The following AFF1 variants were observed in gnomAD, a reference collection of about 807,000 sequenced individuals.
AFF1 encodes the protein ALF transcription elongation factor 1.
Under a neutral mutation model 121.7 loss-of-function variants are expected in AFF1, and 48 were observed. The ratio of observed to expected loss-of-function variants is 0.39; its 90% CI spans 0.31 to 0.50. AFF1 has a LOEUF of 0.50. Ranked by LOEUF, AFF1 falls within the 20% of genes least tolerant of loss-of-function variation. AFF1 has a pLI of 0.76. For missense variants in AFF1, 1,523 were observed against 1,511.7 expected (o/e 1.01, Z -0.12); for synonymous variants, 613 against 563.0 (o/e 1.09, Z -1.26).
chr4:87,135,307 T>G (rs1729207184), intron 20 of AFF1, among the ~76,000 whole-genome samples: 1 of 152,154 alleles, frequency 6.6e-6, no homozygotes, highest in South Asian at 2.1e-4. Context: ...TTTTTTTCAT[T>G]AATGCATCCT....
Position 87,126,193 on chromosome 4 carries a change from A to G in AFF1, c.2668A>G (p.Lys890Glu), listed in dbSNP as rs770218196. ...SSQKPAKPAL[K>E]RSRREADTCG... ...CCAGAAGCCAGCCAAGCCTGCACTT[A>G]AGAGGTCAAGGCGGGAAGCAGACAC... Residue 890 changes from lysine (K) to glutamate (E), a missense_variant, in exon 14 of 21, where the codon AAG becomes GAG. Physicochemically the swap from Lys to Glu is moderately conservative, Grantham distance 56. Around this residue, in one of 5 missense-constraint regions of AFF1, gnomAD observed 905 missense variants for 842.5 expected, o/e 1.07. Transcript: ENST00000395146. The G allele has an allele frequency of 1.9e-6, 3 of 1,614,128 alleles. No homozygotes were observed. The highest frequency in any genetic ancestry group is 1.7e-5 in the Admixed American group (1 of 60,022).
chr4:87,128,546 G>A (rs1728513933), intron 16 of AFF1, among the ~76,000 whole-genome samples: 1 of 152,194 alleles, frequency 6.6e-6, no homozygotes, highest in South Asian at 2.1e-4. Flanking sequence ...GGAAGGGCAT[G>A]AGTTGCCTTT....
At chr4:86,991,146 AAAAAC>A (rs1273077333) in intron 2 of AFF1, among the ~76,000 whole-genome samples, 10 of 150,202 alleles carry the variant, frequency 6.7e-5, no homozygotes, top group Admixed American at 4.6e-4. Flanking sequence ...TCTCAAAACA[AAAAAC>A]AAAACAAAAA....
intron 11 of AFF1, among the ~76,000 whole-genome samples, chr4:87,110,245 G>A (rs369425534): frequency 4.0e-5 from 6 of 151,116 alleles, no homozygotes; most frequent in African/African-American, 7.3e-5. Flanking sequence ...ATATGAGTGC[G>A]TGACATATTT....
intron 2 of AFF1, among the ~76,000 whole-genome samples, chr4:87,016,041 C>T (rs1053975946): frequency 1.7e-4 from 26 of 152,072 alleles, no homozygotes; most frequent in African/African-American, 6.0e-4. Flanking sequence ...ATTAGCTGGG[C>T]GTAGTGGCAG....
In AFF1 at chr4:87,115,133, G is replaced by A. The variant is rs1251112731; in HGVS notation, c.2300G>A (p.Ser767Asn). The A allele has an allele frequency of 1.2e-6, 2 of 1,614,162 alleles. No homozygotes were observed. Among genetic ancestry groups the A allele is most frequent in the South Asian group, 1.1e-5 (1 of 91,082 alleles). Reference protein sequence around the residue: ...SPLRDTPPPQSLMVKITLDLL... With the variant: ...SPLRDTPPPQNLMVKITLDLL... Reference sequence around the variant, plus strand: ...CTCAGGGACACTCCTCCCCCACAAAGCTTGATGGTGAAGATCACCCTAGAC... The same window carrying A: ...CTCAGGGACACTCCTCCCCCACAAAACTTGATGGTGAAGATCACCCTAGAC... The change falls in exon 12 of 21, where the codon AGC becomes AAC. Residue 767 changes from serine (S) to asparagine (N), a missense_variant. Around this residue, in one of 5 missense-constraint regions of AFF1, gnomAD observed 905 missense variants for 842.5 expected, o/e 1.07. Transcript: ENST00000395146.
chr4:86,981,995 C>T (rs1470234497), intron 2 of AFF1, among the ~76,000 whole-genome samples: 2 of 152,126 alleles, frequency 1.3e-5, no homozygotes, highest in Non-Finnish European at 2.9e-5. Flanking sequence ...AATTCGCCAA[C>T]AGAGATCAAA....
At chr4:87,048,411 T>C (rs992903476) in intron 4 of AFF1, among the ~76,000 whole-genome samples, 3 of 152,252 alleles carry the variant, frequency 2.0e-5, no homozygotes, top group African/African-American at 7.2e-5. Flanking sequence ...ATTCTGTCAC[T>C]GAAATTTTAA....
chr4:86,996,726 A>G (rs1397374952), intron 2 of AFF1, among the ~76,000 whole-genome samples: 1 of 120,336 alleles, frequency 8.3e-6, no homozygotes, highest in Non-Finnish European at 1.6e-5. Context: ...ATCAATTAAA[A>G]CAAACAAACA....
chr4:87,120,596 G>C lies in AFF1; in HGVS notation c.2467-4441G>C, dbSNP rs1727589324. On this transcript the variant is annotated intron_variant, in intron 12 of 20. Transcript: ENST00000395146. ...TTCTCCGTACAAGTGTCTGTTGGGA[G>C]GATTCTCAAGAGGCGCACAAGGTCG... Among the ~76,000 whole-genome samples the C allele has an allele frequency of 2.0e-5, 3 of 152,218 alleles. No individual in the cohort carries two copies. The South Asian group carries it at 6.2e-4, about 31-fold the overall frequency.
At chr4:87,001,826 C>T (rs729984) in intron 2 of AFF1, among the ~76,000 whole-genome samples, 6,779 of 152,258 alleles carry the variant, frequency 0.045, 494 homozygotes, top group African/African-American at 0.15. Flanking sequence ...CCTCCATTAT[C>T]TCCTCCCTCT....
intron 4 of AFF1, among the ~76,000 whole-genome samples, chr4:87,080,295 A>G (rs1057235814): frequency 6.6e-6 from 1 of 152,232 alleles, no homozygotes; most frequent in Non-Finnish European, 1.5e-5. Flanking sequence ...AAGGACTTAC[A>G]AACTAGATTT....
At chr4:87,101,785 G>T (rs1274329218) in intron 8 of AFF1, among the ~76,000 whole-genome samples, 1 of 152,230 alleles carries the variant, frequency 6.6e-6, no homozygotes, top group Non-Finnish European at 1.5e-5. Context: ...TACCATGGCT[G>T]TGACTTACTA....
chr4:86,942,443 A>G (rs1720532058), intron 1 of AFF1, among the ~76,000 whole-genome samples: 1 of 152,236 alleles, frequency 6.6e-6, no homozygotes, highest in Non-Finnish European at 1.5e-5. Flanking sequence ...GATAGTAAGT[A>G]GTAAGTACTA....
chr4:87,062,437 A>G (rs75469434), intron 4 of AFF1, among the ~76,000 whole-genome samples: 10,014 of 152,190 alleles, frequency 0.066, 1,095 homozygotes, highest in African/African-American at 0.23. Context: ...TCTTAATATT[A>G]TCACCTTGGG....
chr4:87,058,958 T>A (rs1439372264), intron 4 of AFF1, among the ~76,000 whole-genome samples: 1 of 152,152 alleles, frequency 6.6e-6, no homozygotes, highest in Non-Finnish European at 1.5e-5. Flanking sequence ...CATTTGACAC[T>A]TGACCACCAT....
intron 11 of AFF1, among the ~76,000 whole-genome samples, chr4:87,108,738 T>C (rs1390993994): frequency 6.6e-6 from 1 of 152,232 alleles, no homozygotes; most frequent in Non-Finnish European, 1.5e-5. Flanking sequence ...CTGCCTGATT[T>C]AGCAAAGGGC....
chr4:87,113,831 A>G (rs529248468), intron 11 of AFF1, among the ~76,000 whole-genome samples: 1 of 152,218 alleles, frequency 6.6e-6, no homozygotes, highest in Admixed American at 6.5e-5. Context: ...ATGCCACTGC[A>G]CTCCAGCCTG....
At chr4:86,999,758 C>T (rs986845578) in intron 2 of AFF1, among the ~76,000 whole-genome samples, 1 of 152,154 alleles carries the variant, frequency 6.6e-6, no homozygotes, top group Admixed American at 6.5e-5. Flanking sequence ...TTGAAGTCTG[C>T]AGAGAGCCTT....
Sources: gnomAD v4.1 joint callset for allele counts (sites outside exome capture counted in the v4.1 genomes callset) on GRCh38, gnomAD v4.1.1 for gene constraint, gnomAD v4.1.1 regional missense constraint, MANE v1.5 for transcripts, NCBI Gene and HGNC (gene_info 2026-07-23, HGNC 2026-07-21) for gene names.